CAST: variants seen among roughly 807,000 people sequenced by gnomAD.
CAST encodes MIR583 host.
Under a neutral mutation model 119.6 loss-of-function variants are expected in CAST, and 76 were observed. That is an observed-to-expected ratio of 0.64 (90% CI 0.53 to 0.77). The LOEUF is 0.77. Ranked by LOEUF, CAST falls within the 30% of genes least tolerant of loss-of-function variation. The probability of loss-of-function intolerance (pLI) is 0.00; values close to 1 mark genes in which losing one functional copy is unlikely to be tolerated. For synonymous variants in CAST, 319 were observed against 331.6 expected (o/e 0.96, Z 0.41); for missense variants, 953 against 946.5 (o/e 1.01, Z -0.09).
the CAST span, among the ~76,000 whole-genome samples, chr5:96,471,562 T>C: frequency 1.3e-5 from 2 of 152,140 alleles, no homozygotes; most frequent in African/African-American, 2.4e-5. Context: ...GCCGGTTTGC[T>C]GCACTACATT....
chr5:96,463,673 G>C, the CAST span, among the ~76,000 whole-genome samples: 2 of 152,042 alleles, frequency 1.3e-5, no homozygotes, highest in African/African-American at 2.4e-5. Flanking sequence ...AAATGGCTTT[G>C]TCAGTCATAT....
intron 1 of CAST, among the ~76,000 whole-genome samples, chr5:96,634,450 T>G (rs155040): frequency 0.7 from 105,760 of 152,092 alleles, 37,805 homozygotes; most frequent in African/African-American, 0.86. Context: ...TTCTTTTTCA[T>G]TATACAACAT....
the CAST span, among the ~76,000 whole-genome samples, chr5:96,007,375 A>G: frequency 6.6e-6 from 1 of 152,364 alleles, no homozygotes; most frequent in East Asian, 1.9e-4. Flanking sequence ...CACTGTGTGA[A>G]GAATGACTAA....
At chr5:96,414,941 G>A in the CAST span, among the ~76,000 whole-genome samples, 1 of 152,048 alleles carries the variant, frequency 6.6e-6, no homozygotes, top group Non-Finnish European at 1.5e-5. Context: ...TATTTATTTG[G>A]TTTCTAAAAA....
intron 1 of CAST, among the ~76,000 whole-genome samples, chr5:96,557,937 C>T (rs1352985705): frequency 2.0e-5 from 3 of 152,208 alleles, no homozygotes; most frequent in Non-Finnish European, 4.4e-5. Flanking sequence ...TATTCCAAAA[C>T]TGACCACATA....
the CAST span, among the ~76,000 whole-genome samples, chr5:96,183,145 G>GA: frequency 1.6e-5 from 2 of 124,800 alleles, no homozygotes; most frequent in African/African-American, 6.2e-5. Context: ...TGTCTCAAAA[G>GA]AAAAAAAATA....
At chr5:96,534,771 A>G (rs1165645076) in intron 1 of CAST, among the ~76,000 whole-genome samples, 13 of 130,706 alleles carry the variant, frequency 9.9e-5, no homozygotes, top group Middle Eastern at 3.8e-3. Flanking sequence ...GAAAGAAAGA[A>G]AGAAAGAAAG....
At chr5:96,312,698 A>AT in the CAST span, among the ~76,000 whole-genome samples, 1 of 152,048 alleles carries the variant, frequency 6.6e-6, no homozygotes, top group African/African-American at 2.4e-5. Context: ...ATCTTTCCAT[A>AT]TTTTCCCTTT....
the CAST span, among the ~76,000 whole-genome samples, chr5:96,066,563 A>G: frequency 1.0e-3 from 155 of 152,050 alleles, no homozygotes; most frequent in Non-Finnish European, 2.0e-3. Flanking sequence ...ACTTCAGCCC[A>G]TATAAGTTTT....
the CAST span, chr5:96,426,078 A>G: frequency 1.5e-6 from 1 of 677,192 alleles, no homozygotes; most frequent in South Asian, 1.6e-5. Context: ...CACCTCAGTG[A>G]GAAGAAGGGA....
the CAST span, chr5:96,400,127 G>A: frequency 2.5e-6 from 4 of 1,613,994 alleles, no homozygotes; most frequent in Middle Eastern, 1.6e-4. Context: ...ATTGGCCAGC[G>A]GGTCATACTC....
At chr5:96,342,310 G>A in the CAST span, among the ~76,000 whole-genome samples, 1 of 152,224 alleles carries the variant, frequency 6.6e-6, no homozygotes, top group Non-Finnish European at 1.5e-5. Context: ...TTGGTTGGGG[G>A]TGTTTTTGAG....
At chr5:96,624,974 T>C (rs1011724412) in intron 1 of CAST, among the ~76,000 whole-genome samples, 6 of 152,230 alleles carry the variant, frequency 3.9e-5, no homozygotes, top group Non-Finnish European at 8.8e-5. Context: ...ATTTGTTGTG[T>C]GCAATTTTTA....
At chr5:95,999,293 C>T in the CAST span, among the ~76,000 whole-genome samples, 5 of 152,216 alleles carry the variant, frequency 3.3e-5, no homozygotes, top group African/African-American at 1.2e-4. Flanking sequence ...TCATCCATGA[C>T]ATAACATTTA....
the CAST span, chr5:96,397,382 C>T: frequency 6.2e-7 from 1 of 1,611,826 alleles, no homozygotes; most frequent in Non-Finnish European, 8.5e-7. Flanking sequence ...GTTCTCTCCC[C>T]ATGTGTGAAC....
At chr5:96,640,796 G>A (rs958945350) in intron 1 of CAST, among the ~76,000 whole-genome samples, 6 of 152,314 alleles carry the variant, frequency 3.9e-5, no homozygotes, top group Admixed American at 2.0e-4. Flanking sequence ...GAATCATGAC[G>A]TTAGGAGAGG....
chr5:96,032,559 T>TA, the CAST span, among the ~76,000 whole-genome samples: 1 of 152,160 alleles, frequency 6.6e-6, no homozygotes, highest in East Asian at 1.9e-4. Context: ...ATACAGGAGC[T>TA]AAAAAATGCT....
At chr5:96,438,052 T>A in the CAST span, among the ~76,000 whole-genome samples, 1 of 151,980 alleles carries the variant, frequency 6.6e-6, no homozygotes, top group Admixed American at 6.6e-5. Context: ...CTTGCCTAAC[T>A]TTTTTCTGCT....
chr5:96,430,370 A>G, the CAST span, among the ~76,000 whole-genome samples: 3 of 152,364 alleles, frequency 2.0e-5, no homozygotes, highest in African/African-American at 7.2e-5. Flanking sequence ...CGTGTTCTTT[A>G]AATTGGTGAT....
Sources: allele counts gnomAD v4.1 joint callset (sites outside exome capture counted in the v4.1 genomes callset), GRCh38; gene constraint gnomAD v4.1.1; transcripts MANE v1.5; gene names NCBI Gene and HGNC (gene_info 2026-07-23, HGNC 2026-07-21).